Variants in C6orf89 observed in about 807,000 individuals in gnomAD.
C6orf89 encodes chromosome 6 open reading frame 89.
A neutral mutation model predicts 40.7 loss-of-function variants in C6orf89; 29 were observed. The observed-to-expected ratio is 0.71, with a 90% confidence interval of 0.53 to 0.97. The LOEUF is 0.97. Among genes scored for constraint, C6orf89 ranks in the 50% least tolerant of loss-of-function variants. The pLI is 0.00. For synonymous variants in C6orf89, 165 were observed against 152.2 expected (o/e 1.08, Z -0.62); for missense variants, 392 against 429.1 (o/e 0.91, Z 0.76).
chr6:36,886,789 G>A (rs1409752811), intron 1 of C6orf89, among the ~76,000 whole-genome samples: 2 of 152,100 alleles, frequency 1.3e-5, no homozygotes, highest in Non-Finnish European at 2.9e-5. Context: ...TTCTATAGAC[G>A]TCTCTCCCTT....
In C6orf89 at chr6:36,925,825, TG is replaced by T. The variant is rs1031776784; in HGVS notation, c.*2385del. 6.6e-6 allele frequency: 1 copy of T among 152,184 alleles called. No homozygotes were observed. Among genetic ancestry groups the T allele is most frequent in the African/African-American group, 2.4e-5 (1 of 41,418 alleles). 9.4% of individuals were successfully genotyped at this position (152,184 alleles called of 1,614,324 possible). A position where few individuals can be genotyped will look rare whatever the true frequency, so the allele number is the denominator to read the frequency against. ...TGGAAGCATCAAAAGTCCCTCTGTA[TG>T]ACCCGGTGTGGGAAAGAGGGTTGTC... On this transcript the variant is annotated 3_prime_UTR_variant, in exon 9 of 9. Coordinates refer to ENST00000480824, the MANE Select transcript of C6orf89 (RefSeq NM_001286635.2).
In C6orf89 at chr6:36,928,790, C is replaced by G. The variant is rs1490571535; in HGVS notation, c.*5349C>G. On this transcript the variant is annotated 3_prime_UTR_variant, in exon 9 of 9. Transcript: ENST00000480824. The stretch of plus-strand genomic sequence containing the variant: ...GATGGTCCCAGGGAGCAGAGGGAGG[C>G]AGGCAGCTGTCACAGCCACAGCGGC... 1 of 152,298 alleles carries G rather than the reference C, an allele frequency of 6.6e-6. No homozygotes were observed. Among genetic ancestry groups the G allele is most frequent in the Non-Finnish European group, 1.5e-5 (1 of 68,102 alleles). 9.4% of individuals were successfully genotyped at this position (152,298 alleles called of 1,614,324 possible). A position where few individuals can be genotyped will look rare whatever the true frequency, so the allele number is the denominator to read the frequency against.
At chr6:36,877,693 GC>G (rs1774696128) in intron 1 of C6orf89, among the ~76,000 whole-genome samples, 1 of 152,196 alleles carries the variant, frequency 6.6e-6, no homozygotes, top group Admixed American at 6.5e-5. Context: ...CTGCTTCCAA[GC>G]CAACTCTTAG....
intron 3 of C6orf89, among the ~76,000 whole-genome samples, chr6:36,901,831 T>C (rs1447325081): frequency 1.3e-5 from 2 of 150,598 alleles, no homozygotes; most frequent in Non-Finnish European, 3.0e-5. Context: ...CCATCATGCC[T>C]GGCTAATTTT....
At position 36,872,561 on chromosome 6, in the gene C6orf89, C is replaced by T. The variant is rs1473878946; in HGVS notation, c.-628+594C>T. Among the ~76,000 whole-genome samples, 2 of 151,956 alleles carry T rather than the reference C, an allele frequency of 1.3e-5. 1 individual carries two copies. The highest frequency in any genetic ancestry group is 1.3e-4 in the Admixed American group (2 of 15,252). On this transcript the variant is annotated intron_variant, in intron 1 of 9. Coordinates refer to the C6orf89 transcript ENST00000359359. ...AAGAGGCAAGAGAAAGGACGAGTGCCTTCCCCTCTACTCCAGCACATACCT... is the reference window on the plus strand; with the variant it reads ...AAGAGGCAAGAGAAAGGACGAGTGCTTTCCCCTCTACTCCAGCACATACCT...
In C6orf89 at chr6:36,927,216, G is replaced by A. The variant is rs770832201; in HGVS notation, c.*3775G>A. 1.3e-5 allele frequency: 2 copies of A among 152,298 alleles called. No homozygotes were observed. The highest frequency in any genetic ancestry group is 2.4e-5 in the African/African-American group (1 of 41,552). 9.4% of individuals were successfully genotyped at this position (152,298 alleles called of 1,614,324 possible). ...CTTGTTTTTCAATTCTTGGTTTTCTGTTCCCTTCTACCAAAACCCAGCATA... is the reference window on the plus strand; with the variant it reads ...CTTGTTTTTCAATTCTTGGTTTTCTATTCCCTTCTACCAAAACCCAGCATA... On this transcript the variant is annotated 3_prime_UTR_variant, in exon 9 of 9. Transcript: ENST00000480824.
At chr6:36,874,184 A>C (rs1411744791) in intron 1 of C6orf89, among the ~76,000 whole-genome samples, 1 of 152,228 alleles carries the variant, frequency 6.6e-6, no homozygotes, top group Non-Finnish European at 1.5e-5. Context: ...TGCTAAGATT[A>C]AACTAAATGA....
At chr6:36,877,772 T>C (rs974779627) in intron 1 of C6orf89, among the ~76,000 whole-genome samples, 2 of 152,268 alleles carry the variant, frequency 1.3e-5, no homozygotes, top group African/African-American at 4.8e-5. Context: ...GTAATTTCAC[T>C]AACAACTAAT....
chr6:36,882,505 C>T (rs1774840682), upstream of C6orf89, among the ~76,000 whole-genome samples: 1 of 152,084 alleles, frequency 6.6e-6, no homozygotes, highest in South Asian at 2.1e-4. Context: ...CTTCTTGAGT[C>T]CTTAAAGCTT....
chr6:36,916,092 C>A (rs142841449), intron 6 of C6orf89, among the ~76,000 whole-genome samples: 2 of 152,216 alleles, frequency 1.3e-5, no homozygotes, highest in East Asian at 3.9e-4. Context: ...GTCCCTTCCT[C>A]CTTCTCTCTT....
At chr6:36,886,503 A>G (rs570805113) in intron 1 of C6orf89, among the ~76,000 whole-genome samples, 18 of 152,234 alleles carry the variant, frequency 1.2e-4, no homozygotes, top group Non-Finnish European at 2.5e-4. Context: ...GATTTCAGAA[A>G]GAAATATGAC....
upstream of C6orf89, among the ~76,000 whole-genome samples, chr6:36,881,662 GA>G (rs1774812589): frequency 6.6e-6 from 1 of 152,100 alleles, no homozygotes. Context: ...CAGCAAGAGT[GA>G]AACTCCATCT....
chr6:36,897,893 A>T (rs1168747023), intron 2 of C6orf89, among the ~76,000 whole-genome samples: 1 of 152,160 alleles, frequency 6.6e-6, no homozygotes, highest in Non-Finnish European at 1.5e-5. Flanking sequence ...TTTTGGGGCT[A>T]GAAGTACTGT....
chr6:36,909,029 C>G (rs1038346498), intron 4 of C6orf89, among the ~76,000 whole-genome samples: 1 of 152,110 alleles, frequency 6.6e-6, no homozygotes, highest in African/African-American at 2.4e-5. Context: ...ACATCTGTGG[C>G]CACCCTATCT....
At chr6:36,901,532 C>T (rs1331696372) in intron 3 of C6orf89, among the ~76,000 whole-genome samples, 5 of 145,586 alleles carry the variant, frequency 3.4e-5, no homozygotes, top group Non-Finnish European at 7.5e-5. Context: ...GACAGGGTTT[C>T]GCCGTGTTGG....
At chr6:36,890,726 G>T (rs1761173475) in intron 1 of C6orf89, among the ~76,000 whole-genome samples, 1 of 151,946 alleles carries the variant, frequency 6.6e-6, no homozygotes, top group Non-Finnish European at 1.5e-5. Flanking sequence ...TAGAGACAGG[G>T]TTTTGCTATG....
At chr6:36,886,779 T>G (rs1229043564) in intron 1 of C6orf89, among the ~76,000 whole-genome samples, 1 of 152,256 alleles carries the variant, frequency 6.6e-6, no homozygotes, top group Non-Finnish European at 1.5e-5. Context: ...TGGTGGGATC[T>G]TCTATAGACG....
At chr6:36,887,860 G>A (rs561833848) in intron 1 of C6orf89, among the ~76,000 whole-genome samples, 14 of 152,096 alleles carry the variant, frequency 9.2e-5, no homozygotes, top group Non-Finnish European at 1.9e-4. Flanking sequence ...TGGGACTACA[G>A]GCAGGCACCA....
Position 36,923,738 on chromosome 6 carries a change from C to T in C6orf89, c.*297C>T. On this transcript the variant is annotated 3_prime_UTR_variant, in exon 9 of 9. Coordinates refer to ENST00000480824, the MANE Select transcript of C6orf89 (RefSeq NM_001286635.2). ...TTGGACACTATGACCTTGATGCTGC[C>T]CTTCAGGCAGGAAACAGGGCTGGTG... 2 of 389,722 alleles carry T rather than the reference C, an allele frequency of 5.1e-6. No individual in the cohort carries two copies. The highest frequency in any genetic ancestry group is 9.8e-6 in the Non-Finnish European group (2 of 203,140). 24.1% of individuals were successfully genotyped at this position (389,722 alleles called of 1,614,324 possible).
Sources: gnomAD v4.1 joint callset for allele counts (sites outside exome capture counted in the v4.1 genomes callset) on GRCh38, gnomAD v4.1.1 for gene constraint, MANE v1.5 for transcripts, NCBI Gene and HGNC (gene_info 2026-07-23, HGNC 2026-07-21) for gene names.